Variants in DCAF1 observed in about 807,000 individuals in gnomAD.
DCAF1 encodes the protein DDB1- and CUL4-associated factor 1.
A neutral mutation model predicts 128.0 loss-of-function variants in DCAF1; 15 were observed. The observed-to-expected ratio is 0.12, with a 90% CI of 0.08 to 0.18. The LOEUF is 0.18. Among genes scored for constraint, DCAF1 ranks in the 10% least tolerant of loss-of-function variants. The pLI is 1.00. For missense variants in DCAF1, 988 were observed against 1,649.5 expected (o/e 0.60, Z 6.95); for synonymous variants, 610 against 603.0 (o/e 1.01, Z -0.17).
At chr3:51,436,368 C>A (rs2107623995) in intron 9 of DCAF1, 1 of 520,022 alleles carries the variant, frequency 1.9e-6, no homozygotes, top group South Asian at 1.4e-5. Flanking sequence ...GTGGACCATT[C>A]AGATGTTGCT....
chr3:51,406,533 A>G (rs1553626704), intron 23 of DCAF1, among the ~76,000 whole-genome samples: 1 of 151,980 alleles, frequency 6.6e-6, no homozygotes, highest in East Asian at 1.9e-4. Flanking sequence ...CTACAGAAAG[A>G]ATTCTAAAAC....
chr3:51,411,857 C>A (rs1698448245), intron 23 of DCAF1, among the ~76,000 whole-genome samples: 1 of 151,924 alleles, frequency 6.6e-6, no homozygotes, highest in Non-Finnish European at 1.5e-5. Flanking sequence ...TGCTTATACT[C>A]CACGCACTCT....
intron 7 of DCAF1, among the ~76,000 whole-genome samples, chr3:51,442,556 G>C (rs1377205472): frequency 1.3e-5 from 2 of 152,012 alleles, no homozygotes; most frequent in Admixed American, 6.6e-5. Context: ...AAAATTTCCA[G>C]GGTGTGGAGG....
chr3:51,440,436 ATC>A (rs1285509369), intron 9 of DCAF1, among the ~76,000 whole-genome samples: 1 of 152,046 alleles, frequency 6.6e-6, no homozygotes, highest in Admixed American at 6.6e-5. Flanking sequence ...TAGCAAGACT[ATC>A]TCTATAAAAA....
At chr3:51,444,897 G>C (rs370005698) in intron 6 of DCAF1, among the ~76,000 whole-genome samples, 31 of 148,104 alleles carry the variant, frequency 2.1e-4, no homozygotes, top group African/African-American at 4.7e-4. Context: ...GGATGGTCTC[G>C]ATCTCCTGAC....
At chr3:51,438,799 C>T (rs782441878) in intron 9 of DCAF1, among the ~76,000 whole-genome samples, 6 of 152,172 alleles carry the variant, frequency 3.9e-5, no homozygotes, top group East Asian at 3.9e-4. Context: ...TTAGTAGAGA[C>T]GGGGTTTCTC....
intron 14 of DCAF1, among the ~76,000 whole-genome samples, chr3:51,421,888 T>C (rs1288334425): frequency 1.3e-5 from 2 of 151,616 alleles, no homozygotes; most frequent in African/African-American, 4.8e-5. Flanking sequence ...TGTTTTTTTT[T>C]CCCTTTAACT....
At chr3:51,461,130 C>G (rs1159981449) in intron 6 of DCAF1, among the ~76,000 whole-genome samples, 6 of 151,052 alleles carry the variant, frequency 4.0e-5, no homozygotes, top group Admixed American at 3.3e-4. Flanking sequence ...AGGCAACCTA[C>G]AGAATGGGAG....
chr3:51,483,399 C>T (rs145236106), intron 3 of DCAF1, among the ~76,000 whole-genome samples: 76 of 151,178 alleles, frequency 5.0e-4, no homozygotes, highest in Middle Eastern at 3.4e-3. Context: ...GAGATCACAC[C>T]ATTGTACTCC....
intron 6 of DCAF1, among the ~76,000 whole-genome samples, chr3:51,449,443 G>A (rs1702155965): frequency 6.6e-6 from 1 of 152,166 alleles, no homozygotes; most frequent in Admixed American, 6.6e-5. Context: ...CTGACCTCAG[G>A]TGATCCACTC....
chr3:51,499,595 C>G (rs1342293386), intron 1 of DCAF1, among the ~76,000 whole-genome samples: 1 of 151,654 alleles, frequency 6.6e-6, no homozygotes, highest in Non-Finnish European at 1.5e-5. Context: ...CCCCGCCCCC[C>G]CACTCCGGGC....
At chr3:51,478,337 T>C (rs1409359538) in intron 3 of DCAF1, among the ~76,000 whole-genome samples, 13 of 152,122 alleles carry the variant, frequency 8.5e-5, no homozygotes, top group Non-Finnish European at 1.5e-4. Flanking sequence ...CAGGTAGTTA[T>C]CTCCTTGAGG....
chr3:51,473,663 A>C lies in DCAF1; in HGVS notation c.111-2658T>G, dbSNP rs182647145. On this transcript the variant is annotated intron_variant, in intron 3 of 24. Transcript: ENST00000684031. ...CCTGAATAACTGGGACTACAGGAAC[A>C]CCACCATGCCCGGCTAACTTCAAAA... is the stretch of plus-strand genomic sequence containing the variant. 1.5e-3 allele frequency among the ~76,000 whole-genome samples: 231 copies of C among 151,952 alleles called. 2 individuals are homozygous for C. The highest frequency in any genetic ancestry group is 1.0e-3 in the Non-Finnish European group (69 of 67,946).
intron 9 of DCAF1, among the ~76,000 whole-genome samples, chr3:51,434,726 G>A (rs1700665658): frequency 6.6e-6 from 1 of 152,082 alleles, no homozygotes. Flanking sequence ...AACTAACCAC[G>A]TGCATTTTAA....
chr3:51,501,764 G>C (rs1341448161), upstream of DCAF1, among the ~76,000 whole-genome samples: 1 of 152,068 alleles, frequency 6.6e-6, no homozygotes, highest in Non-Finnish European at 1.5e-5. Context: ...TCTTTCTCCT[G>C]CCACAACACA....
chr3:51,397,462 C>T (rs782003437), downstream of DCAF1: 4 of 167,046 alleles, frequency 2.4e-5, no homozygotes, highest in Non-Finnish European at 4.4e-5. Flanking sequence ...CAGAGACGGC[C>T]GAAATGCTTT....
At chr3:51,406,334 C>T (rs1439781730) in intron 23 of DCAF1, among the ~76,000 whole-genome samples, 2 of 118,006 alleles carry the variant, frequency 1.7e-5, no homozygotes, top group Non-Finnish European at 3.3e-5. Flanking sequence ...CAGAGCAAGA[C>T]TCTGTCTCAA....
At chr3:51,485,073 G>A (rs1275647151) in intron 2 of DCAF1, among the ~76,000 whole-genome samples, 2 of 152,030 alleles carry the variant, frequency 1.3e-5, no homozygotes, top group East Asian at 1.9e-4. Flanking sequence ...GCACCACCAC[G>A]CCCAGCTAAT....
chr3:51,445,142 A>T (rs1701733434), intron 6 of DCAF1, among the ~76,000 whole-genome samples: 1 of 152,166 alleles, frequency 6.6e-6, no homozygotes, highest in African/African-American at 2.4e-5. Context: ...TAATACATTA[A>T]ATTTTTTTTA....
Sources: gnomAD v4.1 joint callset for allele counts (sites outside exome capture counted in the v4.1 genomes callset) on GRCh38, gnomAD v4.1.1 for gene constraint, MANE v1.5 for transcripts, NCBI Gene and HGNC (gene_info 2026-07-23, HGNC 2026-07-21) for gene names.